The following DAB1 variants were observed in gnomAD, a reference collection of about 807,000 sequenced individuals.
DAB1 encodes disabled homolog 1.
In DAB1, 15 loss-of-function variants were observed where a neutral mutation model predicts 64.6. The observed-to-expected ratio is 0.23, with a 90% CI of 0.16 to 0.36. The LOEUF is 0.36. Among genes scored for constraint, DAB1 ranks in the 10% least tolerant of loss-of-function variants. DAB1 has a pLI of 1.00. For missense variants in DAB1, 596 were observed against 706.7 expected, an observed-to-expected ratio of 0.84 and a Z score of 1.78; for synonymous variants, 235 against 251.9, an observed-to-expected ratio of 0.93 and a Z score of 0.64.
chr1:57,192,480 T>C (rs1453672884), intron 2 of DAB1, among the ~76,000 whole-genome samples: 1 of 152,152 alleles, frequency 6.6e-6, no homozygotes, highest in Non-Finnish European at 1.5e-5. Flanking sequence ...ATTAATTGAG[T>C]TAACACAAGG....
intron 1 of DAB1, among the ~76,000 whole-genome samples, chr1:57,389,864 C>G (rs1480716895): frequency 6.6e-6 from 1 of 152,168 alleles, no homozygotes; most frequent in African/African-American, 2.4e-5. Context: ...ACTGTAATAG[C>G]TAATATACCT....
At chr1:58,014,599 G>GC (rs1241790152) in intron 5 of DAB1, among the ~76,000 whole-genome samples, 1 of 152,168 alleles carries the variant, frequency 6.6e-6, no homozygotes, top group African/African-American at 2.4e-5. Flanking sequence ...GTCATATCTT[G>GC]CCCCCATAAA....
chr1:58,447,579 T>C (rs1423308705), intron 3 of DAB1, among the ~76,000 whole-genome samples: 1 of 151,990 alleles, frequency 6.6e-6, no homozygotes, highest in Non-Finnish European at 1.5e-5. Context: ...TATAGATTAG[T>C]GAGGGAGAGG....
intron 5 of DAB1, among the ~76,000 whole-genome samples, chr1:57,965,248 T>C (rs144851983): frequency 6.6e-6 from 1 of 152,292 alleles, no homozygotes; most frequent in East Asian, 1.9e-4. Flanking sequence ...ATTTATCTCA[T>C]AGTTGTTTCT....
chr1:57,962,888 A>C (rs1373731474), intron 5 of DAB1, among the ~76,000 whole-genome samples: 3 of 151,754 alleles, frequency 2.0e-5, no homozygotes, highest in African/African-American at 4.8e-5. Context: ...AAAAAACAAA[A>C]CAAAAAAAAA....
chr1:58,210,064 A>G (rs1044978824), intron 4 of DAB1, among the ~76,000 whole-genome samples: 2 of 152,230 alleles, frequency 1.3e-5, no homozygotes, highest in Admixed American at 6.6e-5. Flanking sequence ...TTGCCACTCA[A>G]AGAAATAAAC....
intron 5 of DAB1, among the ~76,000 whole-genome samples, chr1:58,149,297 A>G (rs1268268305): frequency 6.6e-6 from 1 of 152,212 alleles, no homozygotes; most frequent in Admixed American, 6.5e-5. Flanking sequence ...GAGGAAGAAC[A>G]TAAGTGTTGA....
intron 2 of DAB1, among the ~76,000 whole-genome samples, chr1:57,238,860 TACACACACAC>T (rs1281270538): frequency 7.5e-5 from 10 of 133,948 alleles, no homozygotes; most frequent in South Asian, 5.2e-4. Flanking sequence ...CACACACACA[TACACACACAC>T]ACACACACAC....
chr1:57,353,150 C>CAA (rs1678735439), intron 1 of DAB1, among the ~76,000 whole-genome samples: 1 of 147,706 alleles, frequency 6.8e-6, no homozygotes. Context: ...CACACACACA[C>CAA]ATCCTATTGG....
At position 58,332,527 on chromosome 1, in the gene DAB1, T is replaced by C. The variant is rs541542281; in HGVS notation, n.309+10825A>G. On this transcript the variant is annotated intron_variant and non_coding_transcript_variant, in intron 4 of 20. Transcript: ENST00000485760. ...GTAGTCTGTTAAGTGTGCAATAGCA[T>C]TGTCTCTAAAAACTGTGCATACATA... is the stretch of plus-strand genomic sequence containing the variant. Among the ~76,000 whole-genome samples, 93 of 152,334 alleles carry C rather than the reference T, an allele frequency of 6.1e-4. 1 individual carries two copies. The highest frequency in any genetic ancestry group is 2.2e-3 in the African/African-American group (90 of 41,572).
chr1:57,595,571 T>C (rs1570658240), intron 7 of DAB1, among the ~76,000 whole-genome samples: 1 of 152,164 alleles, frequency 6.6e-6, no homozygotes, highest in South Asian at 2.1e-4. Flanking sequence ...TAAGACTCAA[T>C]TGCAGGTTCC....
chr1:57,656,213 C>T (rs1646317014), intron 6 of DAB1, among the ~76,000 whole-genome samples: 1 of 152,162 alleles, frequency 6.6e-6, no homozygotes, highest in Non-Finnish European at 1.5e-5. Context: ...TTCCAGCCTC[C>T]AGAACTGTGA....
chr1:57,731,962 T>G (rs1198037786), intron 6 of DAB1, among the ~76,000 whole-genome samples: 1 of 152,182 alleles, frequency 6.6e-6, no homozygotes, highest in Admixed American at 6.5e-5. Flanking sequence ...AGGGACCAAC[T>G]GCATTTCAGA....
chr1:58,485,647 C>T (rs188046009), intron 3 of DAB1, among the ~76,000 whole-genome samples: 34 of 151,680 alleles, frequency 2.2e-4, no homozygotes, highest in African/African-American at 6.3e-4. Flanking sequence ...TATTTCAGGG[C>T]GCCAATGTCT....
At chr1:58,056,955 A>T (rs11588421) in intron 5 of DAB1, among the ~76,000 whole-genome samples, 30,390 of 149,078 alleles carry the variant, frequency 0.2, 3,336 homozygotes, top group Admixed American at 0.23. Flanking sequence ...CACTGCTGTA[A>T]CTCGTATGTT....
intron 5 of DAB1, among the ~76,000 whole-genome samples, chr1:57,985,977 T>C (rs961991630): frequency 2.0e-5 from 3 of 152,200 alleles, no homozygotes; most frequent in African/African-American, 7.2e-5. Context: ...TTTCTTTTTA[T>C]AGATGAAGCA....
At chr1:57,273,324 T>C (rs1008940884) in intron 2 of DAB1, among the ~76,000 whole-genome samples, 1 of 152,172 alleles carries the variant, frequency 6.6e-6, no homozygotes, top group Admixed American at 6.5e-5. Context: ...GACACCCTTC[T>C]TCATGTCTGC....
At chr1:57,943,313 C>T (rs1038917150) in intron 5 of DAB1, among the ~76,000 whole-genome samples, 3 of 152,132 alleles carry the variant, frequency 2.0e-5, no homozygotes, top group Non-Finnish European at 2.9e-5. Flanking sequence ...CACTCAATTA[C>T]GTGGTTTAAA....
chr1:57,157,570 AAGAGAGAGAG>A (rs34642210), intron 2 of DAB1, among the ~76,000 whole-genome samples: 56 of 148,184 alleles, frequency 3.8e-4, no homozygotes, highest in South Asian at 1.5e-3. Context: ...TGCACTGAGA[AAGAGAGAGAG>A]AGAGAGAGAG....
Sources: gnomAD v4.1 joint callset for allele counts (sites outside exome capture counted in the v4.1 genomes callset) on GRCh38, gnomAD v4.1.1 for gene constraint, MANE v1.5 for transcripts, NCBI Gene and HGNC (gene_info 2026-07-23, HGNC 2026-07-21) for gene names.